The following STRN variants were observed in gnomAD, a reference collection of about 807,000 sequenced individuals.
STRN encodes protein phosphatase 2 regulatory subunit B'''alpha.
In STRN, 53 loss-of-function variants were observed where a neutral mutation model predicts 96.3. That is an observed-to-expected ratio of 0.55 (90% CI 0.44 to 0.69). STRN has a LOEUF of 0.69. Ranked by LOEUF, STRN falls within the 30% of genes least tolerant of loss-of-function variation. STRN has a pLI of 0.00. For synonymous variants in STRN, 428 were observed against 355.9 expected (o/e 1.20, Z -2.28); for missense variants, 987 against 963.9 (o/e 1.02, Z -0.32).
intron 1 of STRN, among the ~76,000 whole-genome samples, chr2:36,940,805 G>C (rs10189918): frequency 0.077 from 10,557 of 137,204 alleles, 545 homozygotes; most frequent in African/African-American, 0.15. Flanking sequence ...CCACTGCACA[G>C]CAGCCTGGGC....
intron 13 of STRN, among the ~76,000 whole-genome samples, chr2:36,859,273 C>G (rs1475954206): frequency 6.6e-6 from 1 of 151,992 alleles, no homozygotes; most frequent in Admixed American, 6.6e-5. Flanking sequence ...AAGACAAAGG[C>G]AAGAGATTGT....
chr2:36,933,056 A>AT (rs1449711179), intron 1 of STRN, among the ~76,000 whole-genome samples: 3 of 130,090 alleles, frequency 2.3e-5, no homozygotes, highest in African/African-American at 8.4e-5. Flanking sequence ...TTTTTTTTTA[A>AT]TTTACACACA....
intron 9 of STRN, among the ~76,000 whole-genome samples, chr2:36,878,794 C>T (rs1668989378): frequency 6.6e-6 from 1 of 151,588 alleles, no homozygotes. Context: ...GTTCTGTCAC[C>T]CAGGCTGGAG....
chr2:36,925,027 G>A, intron 2 of STRN, 78 bp downstream of exon 2: 1 of 1,341,874 alleles, frequency 7.5e-7, no homozygotes, highest in Non-Finnish European at 1.1e-6. Flanking sequence ...TTGCACCCCA[G>A]CCTGGGCAAC....
rs114572871 is a variant in STRN at position 36,934,805 on chromosome 2, G to A, written c.235-9597C>T. Reference sequence around the variant, plus strand: ...CAAAGTAGTCAATTAGGCTGGGCACGGTGGCTCATGCCTGTAATCCCAGCA... The same window carrying A: ...CAAAGTAGTCAATTAGGCTGGGCACAGTGGCTCATGCCTGTAATCCCAGCA... On this transcript the variant is annotated intron_variant, in intron 1 of 17. Coordinates refer to ENST00000263918, the MANE Select transcript of STRN (RefSeq NM_003162.4). Among the ~76,000 whole-genome samples, 1,134 of 152,232 alleles carry A rather than the reference G, an allele frequency of 7.4e-3. 18 individuals carry two copies. Among genetic ancestry groups the A allele is most frequent in the African/African-American group, 0.026 (1,082 of 41,536 alleles).
intron 1 of STRN, among the ~76,000 whole-genome samples, chr2:36,954,370 G>A (rs1319218740): frequency 6.6e-6 from 1 of 151,788 alleles, no homozygotes; most frequent in African/African-American, 2.4e-5. Context: ...AAATTAATTA[G>A]GTGTGGTGAT....
chr2:36,870,902 A>T (rs28386843), intron 10 of STRN, among the ~76,000 whole-genome samples: 5,310 of 152,276 alleles, frequency 0.035, 165 homozygotes, highest in African/African-American at 0.089. Flanking sequence ...AGAGAGTGAT[A>T]CTGATGATCC....
At chr2:36,903,956 C>T (rs182518888) in intron 4 of STRN, among the ~76,000 whole-genome samples, 137 of 152,310 alleles carry the variant, frequency 9.0e-4, no homozygotes, top group African/African-American at 3.0e-3. Flanking sequence ...TTCAAAACTG[C>T]TCTTGCCATA....
chr2:36,907,935 T>C (rs1469344359), intron 3 of STRN, among the ~76,000 whole-genome samples: 2 of 151,850 alleles, frequency 1.3e-5, no homozygotes, highest in Non-Finnish European at 2.9e-5. Context: ...GGAATTAAAT[T>C]AACTCCAAAA....
intron 1 of STRN, among the ~76,000 whole-genome samples, chr2:36,927,055 A>G (rs879942204): frequency 1.3e-5 from 2 of 152,178 alleles, no homozygotes; most frequent in Non-Finnish European, 2.9e-5. Context: ...GGTAATAACA[A>G]TATCAATTAT....
At chr2:36,872,855 T>C (rs1332598995) in intron 10 of STRN, among the ~76,000 whole-genome samples, 3 of 150,258 alleles carry the variant, frequency 2.0e-5, no homozygotes, top group South Asian at 2.1e-4. Flanking sequence ...GAATTAAACA[T>C]AAAAAAAAAC....
At chr2:36,898,153 CAG>C (rs1669592791) in intron 6 of STRN, among the ~76,000 whole-genome samples, 2 of 152,210 alleles carry the variant, frequency 1.3e-5, no homozygotes, top group Admixed American at 6.5e-5. Flanking sequence ...ATATCACTAA[CAG>C]AAACATAGCA....
chr2:36,957,760 T>G (rs1224607391), intron 1 of STRN, among the ~76,000 whole-genome samples: 12 of 116,132 alleles, frequency 1.0e-4, no homozygotes, highest in African/African-American at 3.5e-4. Context: ...TTTTTTTTTT[T>G]TTTTTTTTTT....
At chr2:36,927,204 A>G (rs1194384348) in intron 1 of STRN, among the ~76,000 whole-genome samples, 1 of 152,140 alleles carries the variant, frequency 6.6e-6, no homozygotes, top group Non-Finnish European at 1.5e-5. Context: ...AAGAGAAATT[A>G]CAATTAAAAG....
chr2:36,948,376 A>C (rs1489731051), intron 1 of STRN, among the ~76,000 whole-genome samples: 4 of 152,156 alleles, frequency 2.6e-5, no homozygotes, highest in Non-Finnish European at 4.4e-5. Context: ...CTGGGATTAC[A>C]GGCATGATCC....
intron 10 of STRN, among the ~76,000 whole-genome samples, chr2:36,875,682 A>T (rs182743153): frequency 1.9e-3 from 267 of 138,522 alleles, no homozygotes; most frequent in African/African-American, 6.8e-3. Flanking sequence ...TTTGAGAGGG[A>T]GTCTCGCTCT....
At position 36,839,782 on chromosome 2, in the gene STRN, G is replaced by T. The variant is rs528114006; in HGVS notation, c.*9674C>A. 3 of 152,020 alleles carry T rather than the reference G, an allele frequency of 2.0e-5. No individual in the cohort carries two copies. Among genetic ancestry groups the T allele is most frequent in the African/African-American group, 7.2e-5 (3 of 41,384 alleles). The allele number at this position is 152,020 out of a possible 1,614,324, so 9.4% of individuals were successfully genotyped here. On this transcript the variant is annotated 3_prime_UTR_variant, in exon 18 of 18. Transcript: ENST00000263918. ...TATATGTTTAATGTTGAGATTATTC[G>T]TTGAATATTTCATATGTAATTTGCT... is the stretch of plus-strand genomic sequence containing the variant.
chr2:36,873,662 C>T (rs1404918699), intron 10 of STRN, among the ~76,000 whole-genome samples: 1 of 151,898 alleles, frequency 6.6e-6, no homozygotes. Flanking sequence ...AAAAAGAATT[C>T]GGCCAGGCGC....
rs751714689 is a variant in STRN at position 36,855,364 on chromosome 2, C to T, written c.1838-12G>A. On this transcript the variant is annotated splice_polypyrimidine_tract_variant and intron_variant, in intron 14 of 17. Coordinates refer to ENST00000263918, the MANE Select transcript of STRN (RefSeq NM_003162.4). ...AGGGATTCCCAGTTCTGAAAGAGAACATATTGAAATAGAATGGCAATTAAA... is the reference window on the plus strand; with the variant it reads ...AGGGATTCCCAGTTCTGAAAGAGAATATATTGAAATAGAATGGCAATTAAA... 55 of 1,610,582 alleles carry T rather than the reference C, an allele frequency of 3.4e-5. No homozygotes were observed. The highest frequency in any genetic ancestry group is 4.6e-5 in the Non-Finnish European group (54 of 1,178,792).
Sources: gnomAD v4.1 joint callset for allele counts (sites outside exome capture counted in the v4.1 genomes callset) on GRCh38, gnomAD v4.1.1 for gene constraint, MANE v1.5 for transcripts, NCBI Gene and HGNC (gene_info 2026-07-23, HGNC 2026-07-21) for gene names.